The following PEX12 variants were observed in gnomAD, a reference collection of about 807,000 sequenced individuals.
PEX12 encodes peroxisome assembly protein 12.
PEX12 carries 31 observed loss-of-function variants against 32.5 expected under a neutral mutation model. That is an observed-to-expected ratio of 0.95 (90% CI 0.72 to 1.29). The LOEUF (loss-of-function observed/expected upper bound fraction) is 1.29, where lower values mean the gene tolerates loss of function less well. Among genes scored for constraint, PEX12 ranks in the 50% most tolerant of loss-of-function variants. The probability of loss-of-function intolerance (pLI) is 0.00; values close to 1 mark genes in which losing one functional copy is unlikely to be tolerated. For synonymous variants in PEX12, 148 were observed against 157.2 expected, an observed-to-expected ratio of 0.94 and a Z score of 0.44; for missense variants, 359 against 419.0, an observed-to-expected ratio of 0.86 and a Z score of 1.25.
At chr17:35,576,218 AC>A (rs764241263) in intron 2 of PEX12, 37 bp from the exon 3 acceptor site, 1 of 1,600,552 alleles carries the variant, frequency 6.2e-7, no homozygotes, top group Non-Finnish European at 8.6e-7. Context: ...AAAGAGAGAA[AC>A]TTTATTTAGG....
chr17:35,575,946 G>C lies in PEX12; in HGVS notation c.916C>G (p.Leu306Val). 6.2e-7 allele frequency: 1 copy of C among 1,614,220 alleles called. No individual in the cohort carries two copies. Among genetic ancestry groups the C allele is most frequent in the Middle Eastern group, 1.6e-4 (1 of 6,062 alleles). The change falls in exon 3 of 3, where the codon CTG becomes GTG. Residue 306 changes from leucine (L) to valine (V), a missense_variant. Transcript: ENST00000225873. ...TCATTCACCCGGGTTTTACGACACA[G>C]TGGGCACACAGTCTTCATTTTGGGT... ...LLPKMKTVCP[L>V]CRKTRVNDTV...
At chr17:35,576,329 ATCTAT>A (rs2072785118) in intron 2 of PEX12, 148 bp from the exon 3 acceptor site, 3 of 727,124 alleles carry the variant, frequency 4.1e-6, no homozygotes, top group South Asian at 1.6e-5. Flanking sequence ...CTCCTTAAGG[ATCTAT>A]TCTAAGTGAT....
In PEX12 at chr17:35,577,990, G is replaced by A; in HGVS notation, c.32C>T (p.Ala11Val). 1 of 1,614,196 alleles carries A rather than the reference G, an allele frequency of 6.2e-7. No homozygotes were observed. Among genetic ancestry groups the A allele is most frequent in the Non-Finnish European group, 8.5e-7 (1 of 1,180,036 alleles). The part of the protein sequence containing the change: MAEHGAHFTA[A>V]SVADDQPSIF... The stretch of plus-strand genomic sequence containing the variant: ...GGATGGCTGGTCATCGGCCACAGAA[G>A]CAGCTGTGAAGTGAGCCCCGTGCTC... Residue 11 changes from alanine to valine, a missense_variant, in exon 1 of 3, where the codon GCT becomes GTT. Coordinates refer to ENST00000225873, the MANE Select transcript of PEX12 (RefSeq NM_000286.3).
rs573245836 is a variant in PEX12 at position 35,575,427 on chromosome 17, G to A, written c.*355C>T. The A allele has an allele frequency of 2.5e-4, 58 of 233,280 alleles. No individual in the cohort carries two copies. The Middle Eastern group carries it at 5.2e-3, about 21-fold the overall frequency. The allele number at this position is 233,280 out of a possible 1,614,324, so 14.5% of individuals were successfully genotyped here. A position where few individuals can be genotyped will look rare whatever the true frequency, so the allele number is the denominator to read the frequency against. ...CACTGTTCACTTTATTTTTTATGCG[G>A]TCTAACCTGGGTTTTTCGTAAGAGC... On this transcript the variant is annotated 3_prime_UTR_variant, in exon 3 of 3. Coordinates refer to ENST00000225873, the MANE Select transcript of PEX12 (RefSeq NM_000286.3).
At chr17:35,576,984 A>C (rs911805801) in intron 2 of PEX12, 54 bp downstream of exon 2, 4 of 1,522,486 alleles carry the variant, frequency 2.6e-6, no homozygotes, top group Admixed American at 1.7e-5. Flanking sequence ...CAAAACTGGG[A>C]TACGATTTTC....
At chr17:35,576,663 T>C (rs1158942198) in intron 2 of PEX12, among the ~76,000 whole-genome samples, 1 of 152,090 alleles carries the variant, frequency 6.6e-6, no homozygotes, top group African/African-American at 2.4e-5. Flanking sequence ...TAGAATTGTA[T>C]TGGTTTGGTT....
chr17:35,575,936 T>C lies in PEX12; in HGVS notation c.926A>G (p.Lys309Arg). 6.2e-7 allele frequency: 1 copy of C among 1,614,062 alleles called. No homozygotes were observed. ...AAGAACAGTATCATTCACCCGGGTT[T>C]TACGACACAGTGGGCACACAGTCTT... ...KMKTVCPLCR[K>R]TRVNDTVLAT... is the part of the protein sequence containing the mutation. The change falls in exon 3 of 3, where the codon AAA (lysine) becomes AGA (arginine). Residue 309 changes from lysine to arginine, a missense_variant. Physicochemically the swap from Lys to Arg is conservative, Grantham distance 26. Coordinates refer to ENST00000225873, the MANE Select transcript of PEX12 (RefSeq NM_000286.3).
In PEX12 at chr17:35,577,630, T is replaced by C. The variant is rs766018784; in HGVS notation, c.127-39A>G. 11 of 1,576,920 alleles carry C rather than the reference T, an allele frequency of 7.0e-6. No homozygotes were observed. In the South Asian group the frequency reaches 1.2e-4, roughly 17 times the overall value. On this transcript the variant is annotated intron_variant, in intron 1 of 2. Transcript: ENST00000225873. ...AAGCAATAAGTGAAATTCATTCCATTACACAAGTTCTACACCTATTTACAT... is the reference window on the plus strand; with the variant it reads ...AAGCAATAAGTGAAATTCATTCCATCACACAAGTTCTACACCTATTTACAT...
chr17:35,578,077 A>C lies in PEX12; in HGVS notation c.-56T>G, dbSNP rs1472735263. 4.3e-6 allele frequency: 7 copies of C among 1,611,448 alleles called. No homozygotes were observed. The highest frequency in any genetic ancestry group is 5.9e-6 in the Non-Finnish European group (7 of 1,178,218). On this transcript the variant is annotated 5_prime_UTR_variant, in exon 1 of 3. Coordinates refer to ENST00000225873, the MANE Select transcript of PEX12 (RefSeq NM_000286.3). ...CCCACAAACTCTCTCGTGAGCATGAACTTTTTCGGGAGGAAGAGTATCAGA... is the reference window on the plus strand; with the variant it reads ...CCCACAAACTCTCTCGTGAGCATGACCTTTTTCGGGAGGAAGAGTATCAGA...
At position 35,578,426 on chromosome 17, in the gene PEX12, G is replaced by C. The variant is rs886052834; in HGVS notation, c.-405C>G. 7.9e-5 allele frequency: 26 copies of C among 329,414 alleles called. No individual in the cohort carries two copies. Among genetic ancestry groups the C allele is most frequent in the Middle Eastern group, 1.1e-3 (1 of 932 alleles). The allele number at this position is 329,414 out of a possible 1,614,324, so 20.4% of individuals were successfully genotyped here. The stretch of plus-strand genomic sequence containing the variant: ...GCCAGCCGACTCTGAGGATTCAGTC[G>C]TGCCACTGTGAGCCCGGGACACAAG... On this transcript the variant is annotated 5_prime_UTR_variant, in exon 1 of 3. Coordinates refer to ENST00000225873, the MANE Select transcript of PEX12 (RefSeq NM_000286.3).
chr17:35,575,517 A>C lies in PEX12; in HGVS notation c.*265T>G, dbSNP rs1055712098. On this transcript the variant is annotated 3_prime_UTR_variant, in exon 3 of 3. Transcript: ENST00000225873. ...AACTTGTGTACTCATTATTCTGTTT[A>C]ATCTCTACACTGGCCCTCATATCCC... is the stretch of plus-strand genomic sequence containing the variant. The C allele has an allele frequency of 8.3e-6, 4 of 480,364 alleles. No homozygotes were observed. The highest frequency in any genetic ancestry group is 7.8e-5 in the African/African-American group (4 of 51,292). The allele number at this position is 480,364 out of a possible 1,614,324, so 29.8% of individuals were successfully genotyped here.
In PEX12 at chr17:35,575,447, A is replaced by G. The variant is rs886052830; in HGVS notation, c.*335T>C. 3 of 255,240 alleles carry G rather than the reference A, an allele frequency of 1.2e-5. No homozygotes were observed. The highest frequency in any genetic ancestry group is 2.2e-5 in the African/African-American group (1 of 45,006). The allele number at this position is 255,240 out of a possible 1,614,324, so 15.8% of individuals were successfully genotyped here. A position where few individuals can be genotyped will look rare whatever the true frequency, so the allele number is the denominator to read the frequency against. ...ATGCGGTCTAACCTGGGTTTTTCGT[A>G]AGAGCTCCTTTATTTCTTATATTTT... On this transcript the variant is annotated 3_prime_UTR_variant, in exon 3 of 3. Transcript: ENST00000225873.
At position 35,578,409 on chromosome 17, in the gene PEX12, ACT is replaced by A. The variant is rs1184017735; in HGVS notation, c.-390_-389del. ...ATCGTGAGAGCTCAAAAGCCAGCCG[ACT>A]CTGAGGATTCAGTCGTGCCACTGTG... On this transcript the variant is annotated 5_prime_UTR_variant, in exon 1 of 3. Coordinates refer to ENST00000225873, the MANE Select transcript of PEX12 (RefSeq NM_000286.3). The A allele has an allele frequency of 3.0e-6, 1 of 333,506 alleles. No individual in the cohort carries two copies. The highest frequency in any genetic ancestry group is 5.9e-6 in the Non-Finnish European group (1 of 169,018). 20.7% of individuals were successfully genotyped at this position (333,506 alleles called of 1,614,324 possible).
intron 2 of PEX12, 110 bp downstream of exon 2, chr17:35,576,928 T>C (rs373999566): frequency 3.2e-6 from 3 of 925,920 alleles, no homozygotes. Context: ...ATAGCTTTTC[T>C]ATGACTCTAT....
In PEX12 at chr17:35,576,319, C is replaced by A. The variant is rs570156139; in HGVS notation, c.681-138G>T. On this transcript the variant is annotated intron_variant, in intron 2 of 2. Coordinates refer to ENST00000225873, the MANE Select transcript of PEX12 (RefSeq NM_000286.3). ...TGAATGGTTGGTAGACTGGTACTAT[C>A]TCCTTAAGGATCTATTCTAAGTGAT... The A allele has an allele frequency of 3.9e-6, 3 of 761,534 alleles. No homozygotes were observed. The South Asian group carries it at 4.6e-5, about 12-fold the overall frequency. The allele number at this position is 761,534 out of a possible 1,614,324, so 47.2% of individuals were successfully genotyped here. A position where few individuals can be genotyped will look rare whatever the true frequency, so the allele number is the denominator to read the frequency against.
chr17:35,575,229 TAAC>T lies in PEX12; in HGVS notation c.*550_*552del, dbSNP rs147182821. 3,680 of 155,410 alleles carry T rather than the reference TAAC, an allele frequency of 0.024. 123 individuals carry two copies. The highest frequency in any genetic ancestry group is 0.18 in the East Asian group (932 of 5,238). The allele number at this position is 155,410 out of a possible 1,614,324, so 9.6% of individuals were successfully genotyped here. A position where few individuals can be genotyped will look rare whatever the true frequency, so the allele number is the denominator to read the frequency against. ...AAGCTGATAAACAATAGATGTCACT[TAAC>T]AAATGTCTCACAGTATATGGAAGGA... On this transcript the variant is annotated 3_prime_UTR_variant, in exon 3 of 3. Coordinates refer to ENST00000225873, the MANE Select transcript of PEX12 (RefSeq NM_000286.3).
chr17:35,576,051 C>G lies in PEX12; in HGVS notation c.811G>C (p.Glu271Gln), dbSNP rs569741823. Residue 271 changes from glutamate to glutamine, a missense_variant, in exon 3 of 3, where the codon GAA becomes CAA. Glu to Gln is a conservative substitution (Grantham distance 29). Transcript: ENST00000225873. ...AGGGCAGTCAATGACTTGATGGTTT[C>G]TTGATTTTCAGATGAGTACCACCAG... ...LDWWYSSENQETIKSLTALPT... is the reference protein window; with the variant it reads ...LDWWYSSENQQTIKSLTALPT... 7.4e-6 allele frequency: 12 copies of G among 1,613,958 alleles called. No homozygotes were observed. Among genetic ancestry groups the G allele is most frequent in the Non-Finnish European group, 8.5e-6 (10 of 1,180,030 alleles).
At position 35,575,485 on chromosome 17, in the gene PEX12, A is replaced by G. The variant is rs113891712; in HGVS notation, c.*297T>C. On this transcript the variant is annotated 3_prime_UTR_variant, in exon 3 of 3. Transcript: ENST00000225873. ...TTTCTTATATTTTAAGGAAAGGGAT[A>G]GGCAAAAACTTGTGTACTCATTATT... is the stretch of plus-strand genomic sequence containing the variant. 7.4e-3 allele frequency: 2,533 copies of G among 344,536 alleles called. 49 individuals are homozygous for G. The highest frequency in any genetic ancestry group is 0.048 in the African/African-American group (2,326 of 48,250). The allele number at this position is 344,536 out of a possible 1,614,324, so 21.3% of individuals were successfully genotyped here.
In PEX12 at chr17:35,575,886, A is replaced by T. The variant is rs1404979221; in HGVS notation, c.976T>A (p.Tyr326Asn). 1.2e-6 allele frequency: 2 copies of T among 1,614,232 alleles called. No homozygotes were observed. The highest frequency in any genetic ancestry group is 2.2e-5 in the South Asian group (2 of 91,086). ...VLATSGYVFCYRCVFHYVRSH... is the reference protein window; with the variant it reads ...VLATSGYVFCNRCVFHYVRSH... ...CTCACATAATGAAACACACAGCGGT[A>T]ACAAAACACATAGCCAGAGGTGGCA... The change falls in exon 3 of 3, where the codon TAC (tyrosine) becomes AAC (asparagine). Residue 326 changes from tyrosine (Y) to asparagine (N), a missense_variant. Transcript: ENST00000225873.
Sources: allele counts gnomAD v4.1 joint callset (sites outside exome capture counted in the v4.1 genomes callset), GRCh38; gene constraint gnomAD v4.1.1; transcripts MANE v1.5; gene names NCBI Gene and HGNC (gene_info 2026-07-23, HGNC 2026-07-21).